The following GRM7 variants were observed in gnomAD, a reference collection of about 807,000 sequenced individuals.
GRM7 encodes metabotropic glutamate receptor 7.
In GRM7, 35 loss-of-function variants were observed where a neutral mutation model predicts 84.5. The ratio of observed to expected loss-of-function variants is 0.41; its 90% CI spans 0.32 to 0.55. The LOEUF is 0.55. Among genes scored for constraint, GRM7 ranks in the 20% least tolerant of loss-of-function variants. GRM7 has a pLI of 0.19. For synonymous variants in GRM7, 487 were observed against 455.1 expected (o/e 1.07, Z -0.89); for missense variants, 1,003 against 1,194.6 (o/e 0.84, Z 2.36).
chr3:6,976,906 C>A (rs746143975), intron 1 of GRM7, among the ~76,000 whole-genome samples: 4 of 152,150 alleles, frequency 2.6e-5, no homozygotes, highest in Non-Finnish European at 5.9e-5. Flanking sequence ...CCTTTTAACT[C>A]ATAGTTCTAC....
At chr3:7,623,476 C>G (rs1697459130) in intron 8 of GRM7, among the ~76,000 whole-genome samples, 1 of 152,102 alleles carries the variant, frequency 6.6e-6, no homozygotes, top group African/African-American at 2.4e-5. Flanking sequence ...AAAGCTAGGC[C>G]AAAGTGAAAT....
intron 8 of GRM7, among the ~76,000 whole-genome samples, chr3:7,647,877 A>G (rs1230759658): frequency 1.3e-5 from 2 of 152,216 alleles, no homozygotes; most frequent in Non-Finnish European, 2.9e-5. Flanking sequence ...AGGAAAGAAA[A>G]TAAAAAGTGC....
chr3:7,118,036 A>C (rs942917604), intron 1 of GRM7, among the ~76,000 whole-genome samples: 2 of 152,176 alleles, frequency 1.3e-5, no homozygotes, highest in African/African-American at 4.8e-5. Flanking sequence ...ACAAAAATAG[A>C]AGGACAATTT....
intron 1 of GRM7, among the ~76,000 whole-genome samples, chr3:7,085,416 CT>C (rs1698420186): frequency 6.6e-6 from 1 of 152,102 alleles, no homozygotes; most frequent in African/African-American, 2.4e-5. Flanking sequence ...TTTTATTCGA[CT>C]TGGTATAGAA....
At chr3:7,304,233 G>A (rs900651467) in intron 3 of GRM7, among the ~76,000 whole-genome samples, 13 of 148,668 alleles carry the variant, frequency 8.7e-5, no homozygotes, top group African/African-American at 3.2e-4. Context: ...GAGATTCTTT[G>A]TGTGTTAAAT....
chr3:7,476,903 C>T (rs1013862806), intron 7 of GRM7, among the ~76,000 whole-genome samples: 3 of 152,212 alleles, frequency 2.0e-5, no homozygotes, highest in African/African-American at 7.2e-5. Flanking sequence ...ATACTGGCCA[C>T]TGGACACATT....
At chr3:7,619,706 G>A (rs1175426967) in intron 8 of GRM7, among the ~76,000 whole-genome samples, 1 of 152,042 alleles carries the variant, frequency 6.6e-6, no homozygotes, top group Non-Finnish European at 1.5e-5. Context: ...GATTCAGTGT[G>A]GGGTGCTTAC....
chr3:7,275,841 G>A (rs908848555), intron 2 of GRM7, among the ~76,000 whole-genome samples: 1 of 152,016 alleles, frequency 6.6e-6, no homozygotes, highest in African/African-American at 2.4e-5. Flanking sequence ...ACAAAGGTAG[G>A]GGCTGTGTGG....
At chr3:7,629,727 C>CA (rs1304596468) in intron 8 of GRM7, among the ~76,000 whole-genome samples, 2 of 152,208 alleles carry the variant, frequency 1.3e-5, no homozygotes, top group Non-Finnish European at 2.9e-5. Flanking sequence ...AAACCTAACA[C>CA]AGTGTCTTAA....
At chr3:7,740,330 A>T in intron 9 of GRM7, 27 bp from the exon 10 acceptor site, 1 of 1,502,554 alleles carries the variant, frequency 6.7e-7, no homozygotes, top group Non-Finnish European at 9.2e-7. Flanking sequence ...TATTACTGCA[A>T]CTGACACTTT....
intron 2 of GRM7, among the ~76,000 whole-genome samples, chr3:7,153,458 C>G (rs948759758): frequency 2.0e-5 from 3 of 152,048 alleles, no homozygotes; most frequent in Non-Finnish European, 4.4e-5. Context: ...AGACAGTATG[C>G]TACATTTGAC....
chr3:7,053,090 A>G (rs1318233616), intron 1 of GRM7, among the ~76,000 whole-genome samples: 1 of 139,822 alleles, frequency 7.2e-6, no homozygotes, highest in Non-Finnish European at 1.5e-5. Context: ...TTTTTTTTTA[A>G]AATAATTCTA....
At chr3:7,635,283 A>G (rs1358861249) in intron 8 of GRM7, among the ~76,000 whole-genome samples, 1 of 152,198 alleles carries the variant, frequency 6.6e-6, no homozygotes, top group African/African-American at 2.4e-5. Context: ...ACTTTGAAAA[A>G]TCTCAAAAAG....
intron 8 of GRM7, among the ~76,000 whole-genome samples, chr3:7,630,104 C>T (rs1281541408): frequency 6.6e-6 from 1 of 152,148 alleles, no homozygotes; most frequent in African/African-American, 2.4e-5. Context: ...CTCAGCCATA[C>T]ATAAGTTTGA....
chr3:7,154,047 G>A (rs1553149), intron 2 of GRM7, among the ~76,000 whole-genome samples: 38,298 of 152,082 alleles, frequency 0.25, 5,695 homozygotes, highest in African/African-American at 0.42. Flanking sequence ...GCTTGATAGC[G>A]TTTAAATACT....
At position 7,063,076 on chromosome 3, in the gene GRM7, C is replaced by A. The variant is rs150535271; in HGVS notation, c.520-83376C>A. On this transcript the variant is annotated intron_variant, in intron 1 of 9. Coordinates refer to ENST00000357716, the MANE Select transcript of GRM7 (RefSeq NM_000844.4). ...CCTGTCTTTCCTTCCCCAAGTAGCACAAGCCAAAGGTTAGCTCAGCTGAAT... is the reference window on the plus strand; with the variant it reads ...CCTGTCTTTCCTTCCCCAAGTAGCAAAAGCCAAAGGTTAGCTCAGCTGAAT... Among the ~76,000 whole-genome samples, 674 of 151,780 alleles carry A rather than the reference C, an allele frequency of 4.4e-3. 4 individuals are homozygous for A. Among genetic ancestry groups the A allele is most frequent in the African/African-American group, 0.016 (644 of 41,496 alleles).
chr3:7,716,050 C>G (rs1023608550), intron 9 of GRM7, among the ~76,000 whole-genome samples: 1 of 152,168 alleles, frequency 6.6e-6, no homozygotes, highest in African/African-American at 2.4e-5. Flanking sequence ...GCTCTCCTCT[C>G]CCAAGGAACC....
At position 6,863,475 on chromosome 3, in the gene GRM7, T is replaced by C. The variant is rs1244760092; in HGVS notation, c.519+1568T>C. ...GGAAAGAGGAGTGCCCATCCAAGGCTGCAGCTTGCATGGCCCCTCTGATCC... is the reference window on the plus strand; with the variant it reads ...GGAAAGAGGAGTGCCCATCCAAGGCCGCAGCTTGCATGGCCCCTCTGATCC... On this transcript the variant is annotated intron_variant, in intron 1 of 9. Coordinates refer to ENST00000357716, the MANE Select transcript of GRM7 (RefSeq NM_000844.4). This position sits in a 1 kb window ranked among gnomAD's most constrained non-coding sequence, Gnocchi z 4.8. 6.6e-6 allele frequency among the ~76,000 whole-genome samples: 1 copy of C among 152,154 alleles called. No homozygotes were observed. The highest frequency in any genetic ancestry group is 2.4e-5 in the African/African-American group (1 of 41,430).
chr3:7,632,043 C>A (rs899362933), intron 8 of GRM7, among the ~76,000 whole-genome samples: 1 of 152,054 alleles, frequency 6.6e-6, no homozygotes, highest in Admixed American at 6.6e-5. Context: ...TGTTCCAGAA[C>A]AAAGAAAGAA....
Sources: allele counts gnomAD v4.1 joint callset (sites outside exome capture counted in the v4.1 genomes callset), GRCh38; gene constraint gnomAD v4.1.1; non-coding constraint Gnocchi (gnomAD v3.1); transcripts MANE v1.5; gene names NCBI Gene and HGNC (gene_info 2026-07-23, HGNC 2026-07-21).